The following EXOC4 variants were observed in gnomAD, a reference collection of about 807,000 sequenced individuals.
The protein encoded by EXOC4 is SEC8-like 1.
In EXOC4, 71 loss-of-function variants were observed where a neutral mutation model predicts 107.2. The observed-to-expected ratio is 0.66, with a 90% CI of 0.55 to 0.81. EXOC4 has a LOEUF of 0.81. Ranked by LOEUF, EXOC4 falls within the 30% of genes least tolerant of loss-of-function variation. The pLI is 0.00. For missense variants in EXOC4, 1,108 were observed against 1,189.6 expected (o/e 0.93, Z 1.01); for synonymous variants, 456 against 441.2 (o/e 1.03, Z -0.42).
At chr7:133,775,429 GT>G (rs1796326004) in intron 10 of EXOC4, among the ~76,000 whole-genome samples, 1 of 152,154 alleles carries the variant, frequency 6.6e-6, no homozygotes, top group African/African-American at 2.4e-5. Flanking sequence ...CTGCGAACAC[GT>G]GACCTTCTTA....
At chr7:133,302,851 T>C (rs1247030482) in intron 3 of EXOC4, among the ~76,000 whole-genome samples, 2 of 152,230 alleles carry the variant, frequency 1.3e-5, no homozygotes, top group Admixed American at 6.5e-5. Flanking sequence ...CAGTGTGTTA[T>C]TTAAAATGTA....
intron 9 of EXOC4, chr7:133,480,526 G>A: frequency 1.1e-6 from 1 of 873,942 alleles, no homozygotes; most frequent in East Asian, 7.3e-5. Context: ...TTTGGGAAAG[G>A]GAAAATGCAA....
chr7:133,572,920 T>C (rs781070260), intron 9 of EXOC4, among the ~76,000 whole-genome samples: 21 of 152,210 alleles, frequency 1.4e-4, no homozygotes, highest in Non-Finnish European at 3.1e-4. Flanking sequence ...TGAGGATTGC[T>C]TGGGGAAAAG....
chr7:133,721,860 GT>G (rs1795111468), intron 10 of EXOC4, among the ~76,000 whole-genome samples: 1 of 152,150 alleles, frequency 6.6e-6, no homozygotes, highest in South Asian at 2.1e-4. Context: ...TACTATTTTT[GT>G]GGGGAGTAAT....
intron 10 of EXOC4, among the ~76,000 whole-genome samples, chr7:133,739,427 A>C (rs1196986676): frequency 6.6e-6 from 1 of 152,188 alleles, no homozygotes; most frequent in Non-Finnish European, 1.5e-5. Context: ...AGCAGTGACA[A>C]GCTGGAACTG....
chr7:133,548,135 G>A (rs1335943734), intron 9 of EXOC4, among the ~76,000 whole-genome samples: 1 of 151,958 alleles, frequency 6.6e-6, no homozygotes, highest in Non-Finnish European at 1.5e-5. Context: ...TATGTCAACA[G>A]TGTTGACATT....
At chr7:134,046,691 G>T (rs1006682241) in intron 17 of EXOC4, among the ~76,000 whole-genome samples, 2 of 151,920 alleles carry the variant, frequency 1.3e-5, no homozygotes, top group Non-Finnish European at 2.9e-5. Flanking sequence ...TGGTTCCCAG[G>T]GAAAACAAAG....
chr7:133,584,839 G>A lies in EXOC4; in HGVS notation c.1418-45206G>A, dbSNP rs114530618. On this transcript the variant is annotated intron_variant, in intron 9 of 17. Transcript: ENST00000253861. ...GGCGATCTGCCCGTCTTGGCCTCCC[G>A]TGCTGGGATTACAGGCGTGAGCCAC... Among the ~76,000 whole-genome samples, 873 of 152,020 alleles carry A rather than the reference G, an allele frequency of 5.7e-3. 9 individuals are homozygous for A. The highest frequency in any genetic ancestry group is 0.02 in the African/African-American group (822 of 41,468).
intron 10 of EXOC4, among the ~76,000 whole-genome samples, chr7:133,690,187 C>T (rs1340091808): frequency 6.6e-6 from 1 of 152,128 alleles, no homozygotes; most frequent in African/African-American, 2.4e-5. Context: ...GGTTTGGTCT[C>T]TTGGGTGTAG....
chr7:133,557,150 T>A (rs1386004242), intron 9 of EXOC4, among the ~76,000 whole-genome samples: 1 of 152,178 alleles, frequency 6.6e-6, no homozygotes, highest in Non-Finnish European at 1.5e-5. Context: ...CCCTTTTCTT[T>A]AACTAGCTAT....
In EXOC4 at chr7:133,997,487, T is replaced by A. The variant is rs761694593; in HGVS notation, c.2207-5T>A. ...AATGATTGGTGTTTTATCCTTACCT[T>A]TCAGTGCTTTCTCCTGCTCAAGACA... On this transcript the variant is annotated splice_region_variant and splice_polypyrimidine_tract_variant and intron_variant, in intron 14 of 17. Coordinates refer to ENST00000253861, the MANE Select transcript of EXOC4 (RefSeq NM_021807.4). 2 of 1,613,262 alleles carry A rather than the reference T, an allele frequency of 1.2e-6. No homozygotes were observed. The highest frequency in any genetic ancestry group is 2.7e-5 in the African/African-American group (2 of 74,834).
intron 12 of EXOC4, among the ~76,000 whole-genome samples, chr7:133,912,570 G>A (rs1438040066): frequency 6.6e-6 from 1 of 152,186 alleles, no homozygotes; most frequent in African/African-American, 2.4e-5. Flanking sequence ...AAACCATTAA[G>A]ATGCTTTTAG....
At chr7:133,652,645 A>G (rs1803189439) in intron 10 of EXOC4, among the ~76,000 whole-genome samples, 1 of 152,050 alleles carries the variant, frequency 6.6e-6, no homozygotes, top group Admixed American at 6.6e-5. Flanking sequence ...TTAGAGAAAA[A>G]TGGAGATTGC....
intron 17 of EXOC4, among the ~76,000 whole-genome samples, chr7:134,043,778 G>A (rs927105631): frequency 1.3e-5 from 2 of 152,128 alleles, no homozygotes; most frequent in East Asian, 1.9e-4. Flanking sequence ...GTGAATGTAG[G>A]GTAGTTGTTG....
chr7:133,449,211 A>G (rs1036468590), intron 7 of EXOC4, among the ~76,000 whole-genome samples: 4 of 152,200 alleles, frequency 2.6e-5, no homozygotes, highest in East Asian at 3.9e-4. Context: ...AAACTTGTAC[A>G]TGCCGTAGAA....
chr7:133,593,242 AATCAC>A (rs1801591043), intron 9 of EXOC4, among the ~76,000 whole-genome samples: 1 of 152,194 alleles, frequency 6.6e-6, no homozygotes, highest in Non-Finnish European at 1.5e-5. Context: ...CAGGAGAATG[AATCAC>A]ATATCAGCAA....
chr7:133,562,948 G>A (rs1462502383), intron 9 of EXOC4, among the ~76,000 whole-genome samples: 3 of 152,100 alleles, frequency 2.0e-5, no homozygotes, highest in African/African-American at 4.8e-5. Context: ...GAATGCACTG[G>A]TCTGCTGGGA....
At chr7:133,873,196 T>C (rs1234126036) in intron 11 of EXOC4, among the ~76,000 whole-genome samples, 1 of 152,214 alleles carries the variant, frequency 6.6e-6, no homozygotes, top group African/African-American at 2.4e-5. Context: ...ACTACTGCAC[T>C]CTGGCCTAGG....
intron 12 of EXOC4, among the ~76,000 whole-genome samples, chr7:133,914,843 A>G (rs974359712): frequency 6.6e-6 from 1 of 152,210 alleles, no homozygotes; most frequent in African/African-American, 2.4e-5. Flanking sequence ...TGAGAAAAGA[A>G]GGCAAATGCA....
Sources: allele counts gnomAD v4.1 joint callset (sites outside exome capture counted in the v4.1 genomes callset), GRCh38; gene constraint gnomAD v4.1.1; transcripts MANE v1.5; gene names NCBI Gene and HGNC (gene_info 2026-07-23, HGNC 2026-07-21).